GRIK2: variants seen among roughly 807,000 people sequenced by gnomAD.
GRIK2 encodes glutamate receptor ionotropic, kainate 2.
In GRIK2, 32 loss-of-function variants were observed where a neutral mutation model predicts 100.3. The observed-to-expected ratio is 0.32, with a 90% CI of 0.24 to 0.43. The LOEUF (loss-of-function observed/expected upper bound fraction) is 0.43. Ranked by LOEUF, GRIK2 falls within the 20% of genes least tolerant of loss-of-function variation. The probability of loss-of-function intolerance (pLI) is 1.00; values close to 1 mark genes in which losing one functional copy is unlikely to be tolerated. For synonymous variants in GRIK2, 417 were observed against 389.4 expected (o/e 1.07, Z -0.83); for missense variants, 843 against 1,114.9 (o/e 0.76, Z 3.47).
chr6:101,513,345 G>T (rs12215864), intron 2 of GRIK2, among the ~76,000 whole-genome samples: 1 of 152,154 alleles, frequency 6.6e-6, no homozygotes, highest in African/African-American at 2.4e-5. Context: ...AGATTGTGCA[G>T]CACAAAGTTC....
In GRIK2 at chr6:102,068,505, G is replaced by A; in HGVS notation, c.2721G>A (p.Met907Ile). 5 of 1,610,582 alleles carry A rather than the reference G, an allele frequency of 3.1e-6. No homozygotes were observed. Among genetic ancestry groups the A allele is most frequent in the Non-Finnish European group, 4.2e-6 (5 of 1,177,910 alleles). The change falls in exon 17 of 17, where the codon ATG becomes ATA. Residue 907 changes from methionine (M) to isoleucine (I), a missense_variant. By Grantham distance (10) the Met-to-Ile change is conservative. Around this residue, in one of 3 missense-constraint regions of GRIK2, gnomAD observed 87 missense variants for 83.2 expected, o/e 1.05. Coordinates refer to ENST00000369134, the MANE Select transcript of GRIK2 (RefSeq NM_021956.5). ...GAAGGTTGCCAGGTAAAGAAACCAT[G>A]GCATAAAGCTGGGAGGCCAAACACC... The part of the protein sequence containing the change: ...NDRRLPGKET[M>I]A
intron 2 of GRIK2, among the ~76,000 whole-genome samples, chr6:101,409,108 A>G (rs866772971): frequency 4.0e-4 from 56 of 138,518 alleles, no homozygotes; most frequent in South Asian, 2.2e-3. Flanking sequence ...AACATTGTGT[A>G]TGTGTGTGTG....
chr6:102,012,589 AT>A (rs1795608247), intron 14 of GRIK2, among the ~76,000 whole-genome samples: 1 of 152,114 alleles, frequency 6.6e-6, no homozygotes, highest in Admixed American at 6.5e-5. Context: ...ATACCTAAGT[AT>A]TTCATTTTGG....
Position 101,564,890 on chromosome 6 carries a change from C to T in GRIK2, c.116-57059C>T, listed in dbSNP as rs146429480. ...TATGTTACACTCTGCCAATACAACACTGTTCATTCCATTCATTCTGTAGGG... is the reference window on the plus strand; with the variant it reads ...TATGTTACACTCTGCCAATACAACATTGTTCATTCCATTCATTCTGTAGGG... On this transcript the variant is annotated intron_variant, in intron 2 of 16. Transcript: ENST00000369134. Among the ~76,000 whole-genome samples, 753 of 152,202 alleles carry T rather than the reference C, an allele frequency of 4.9e-3. 6 individuals carry two copies. The highest frequency in any genetic ancestry group is 0.017 in the African/African-American group (720 of 41,540).
intron 14 of GRIK2, among the ~76,000 whole-genome samples, chr6:101,957,064 C>A (rs1791983424): frequency 6.6e-6 from 1 of 151,658 alleles, no homozygotes; most frequent in Non-Finnish European, 1.5e-5. Context: ...CTTTGAGTAA[C>A]CTCTATACTG....
chr6:101,441,843 T>C (rs1770083371), intron 2 of GRIK2, among the ~76,000 whole-genome samples: 1 of 152,136 alleles, frequency 6.6e-6, no homozygotes, highest in Admixed American at 6.6e-5. Context: ...TGTCCATGTG[T>C]GCTCAATGTT....
intron 2 of GRIK2, among the ~76,000 whole-genome samples, chr6:101,530,183 AG>A (rs1489295467): frequency 1.9e-4 from 29 of 152,184 alleles, no homozygotes; most frequent in African/African-American, 6.5e-4. Context: ...GGTGCATTAA[AG>A]AGAGCAAGAT....
intron 12 of GRIK2, among the ~76,000 whole-genome samples, chr6:101,906,943 T>C (rs1054380542): frequency 6.6e-6 from 1 of 151,760 alleles, no homozygotes; most frequent in African/African-American, 2.4e-5. Context: ...TTGTGAACTT[T>C]GTACAAAGGC....
chr6:101,592,607 A>G (rs1422060281), intron 2 of GRIK2, among the ~76,000 whole-genome samples: 1 of 118,286 alleles, frequency 8.5e-6, no homozygotes, highest in Non-Finnish European at 1.8e-5. Flanking sequence ...ATATATATAT[A>G]TATATATATA....
chr6:101,773,873 G>C (rs562962488), intron 7 of GRIK2, among the ~76,000 whole-genome samples: 1 of 152,134 alleles, frequency 6.6e-6, no homozygotes, highest in East Asian at 1.9e-4. Flanking sequence ...TATGAAAATT[G>C]TACTTTTTCA....
intron 2 of GRIK2, among the ~76,000 whole-genome samples, chr6:101,602,114 T>C (rs1779242171): frequency 6.6e-6 from 1 of 151,770 alleles, no homozygotes; most frequent in East Asian, 1.9e-4. Context: ...TTTTGGTATA[T>C]GTTGTGTATC....
At chr6:101,871,721 A>G (rs1003081399) in intron 11 of GRIK2, among the ~76,000 whole-genome samples, 2 of 151,984 alleles carry the variant, frequency 1.3e-5, no homozygotes, top group African/African-American at 2.4e-5. Flanking sequence ...GTCCTTTTTT[A>G]TGGCTACGTA....
At chr6:101,655,155 A>G (rs1181263859) in intron 4 of GRIK2, among the ~76,000 whole-genome samples, 1 of 152,154 alleles carries the variant, frequency 6.6e-6, no homozygotes, top group Non-Finnish European at 1.5e-5. Flanking sequence ...CTAAAGCTCA[A>G]GTTCATAGGT....
intron 14 of GRIK2, among the ~76,000 whole-genome samples, chr6:102,011,122 A>G (rs1359351700): frequency 6.6e-6 from 1 of 152,164 alleles, no homozygotes; most frequent in Non-Finnish European, 1.5e-5. Context: ...GCTGCCTGCT[A>G]AAGTGTCTTC....
intron 12 of GRIK2, among the ~76,000 whole-genome samples, chr6:101,914,015 A>G (rs923375431): frequency 1.3e-5 from 2 of 151,512 alleles, no homozygotes; most frequent in African/African-American, 4.8e-5. Flanking sequence ...CATAAATAGA[A>G]AAGACAAAAG....
intron 16 of GRIK2, chr6:102,065,918 T>A: frequency 7.1e-7 from 1 of 1,409,182 alleles, no homozygotes; most frequent in Non-Finnish European, 9.3e-7. Flanking sequence ...TCTTAATAAG[T>A]ACATCTAATA....
At chr6:101,974,059 C>G (rs898313303) in intron 14 of GRIK2, among the ~76,000 whole-genome samples, 2 of 151,784 alleles carry the variant, frequency 1.3e-5, no homozygotes, top group African/African-American at 4.8e-5. Flanking sequence ...ATACTACTTC[C>G]AAGTTCTGAA....
At chr6:101,546,791 T>A (rs2128290601) in intron 2 of GRIK2, among the ~76,000 whole-genome samples, 1 of 151,450 alleles carries the variant, frequency 6.6e-6, no homozygotes, top group African/African-American at 2.4e-5. Context: ...CACTGGCCTG[T>A]TTTCCTCCAA....
chr6:101,885,617 A>G (rs1786557823), intron 11 of GRIK2, among the ~76,000 whole-genome samples: 1 of 152,164 alleles, frequency 6.6e-6, no homozygotes, highest in African/African-American at 2.4e-5. Flanking sequence ...GCTAGCTATT[A>G]CTATGATATT....
Sources: allele counts gnomAD v4.1 joint callset (sites outside exome capture counted in the v4.1 genomes callset), GRCh38; gene constraint gnomAD v4.1.1; regional missense constraint gnomAD v4.1.1; transcripts MANE v1.5; gene names NCBI Gene and HGNC (gene_info 2026-07-23, HGNC 2026-07-21).